GABRR2: variants seen among roughly 807,000 people sequenced by gnomAD.
GABRR2 encodes the protein gamma-aminobutyric acid type A receptor subunit rho2, also known as gamma-aminobutyric acid receptor subunit rho-2.
Under a neutral mutation model 47.0 loss-of-function variants are expected in GABRR2, and 36 were observed. The observed-to-expected ratio is 0.77, with a 90% CI of 0.59 to 1.01. The LOEUF is 1.01. Ranked by LOEUF, GABRR2 falls within the 50% of genes least tolerant of loss-of-function variation. The probability of loss-of-function intolerance (pLI) is 0.00; values close to 1 mark genes in which losing one functional copy is unlikely to be tolerated. For missense variants in GABRR2, 587 were observed against 594.6 expected, an observed-to-expected ratio of 0.99 and a Z score of 0.13; for synonymous variants, 204 against 227.5, an observed-to-expected ratio of 0.90 and a Z score of 0.93.
intron 3 of GABRR2, among the ~76,000 whole-genome samples, chr6:89,270,211 C>T (rs1774016425): frequency 6.6e-6 from 1 of 152,246 alleles, no homozygotes; most frequent in South Asian, 2.1e-4. Context: ...CTGGCTATTT[C>T]CCTTCTCGGT....
chr6:89,257,920 T>G lies in GABRR2; in HGVS notation c.1148A>C (p.Glu383Ala). The change falls in exon 9 of 9, where the codon GAG becomes GCG. Residue 383 changes from glutamate to alanine, a missense_variant. Glu to Ala is a moderately radical substitution (Grantham distance 107, BLOSUM62 -1). Transcript: ENST00000402938. Reference protein sequence around the residue: ...KTMMLDGSYSESEANSLAGYP... With the variant: ...KTMMLDGSYSASEANSLAGYP... ...CCCAGCCAGGCTGTTGGCCTCAGAC[T>G]CACTGTAGCTTCCATCCAGCATCAT... The G allele has an allele frequency of 6.2e-7, 1 of 1,614,024 alleles. No homozygotes were observed. The highest frequency in any genetic ancestry group is 8.5e-7 in the Non-Finnish European group (1 of 1,179,892).
chr6:89,268,933 A>G (rs1285531405), intron 4 of GABRR2, 78 bp downstream of exon 4: 1 of 1,298,554 alleles, frequency 7.7e-7, no homozygotes, highest in African/African-American at 1.5e-5. Flanking sequence ...CCGCAGTGAC[A>G]GTCTTCAGGG....
intron 1 of GABRR2, among the ~76,000 whole-genome samples, chr6:89,307,658 C>T (rs536210003): frequency 2.6e-5 from 4 of 152,320 alleles, no homozygotes; most frequent in Admixed American, 6.5e-5. Context: ...AAACTGCTAA[C>T]TCACCTGCTG....
At chr6:89,263,569 C>T (rs1379434391) in intron 8 of GABRR2, among the ~76,000 whole-genome samples, 1 of 152,174 alleles carries the variant, frequency 6.6e-6, no homozygotes, top group Non-Finnish European at 1.5e-5. Flanking sequence ...GTCGCCCAGG[C>T]TGGAGTACAG....
chr6:89,275,326 T>C (rs1267604855), intron 2 of GABRR2, among the ~76,000 whole-genome samples: 1 of 152,170 alleles, frequency 6.6e-6, no homozygotes, highest in East Asian at 1.9e-4. Context: ...CAGGCTGGAG[T>C]GCAGTGGCAT....
intron 6 of GABRR2, among the ~76,000 whole-genome samples, chr6:89,266,549 G>A (rs911925147): frequency 1.3e-5 from 2 of 152,202 alleles, no homozygotes. Flanking sequence ...TCTAAAGTCT[G>A]ACATTTGGGA....
chr6:89,265,064 G>T (rs1773858461), intron 7 of GABRR2, among the ~76,000 whole-genome samples: 1 of 152,134 alleles, frequency 6.6e-6, no homozygotes, highest in African/African-American at 2.4e-5. Flanking sequence ...TCTTCACTCT[G>T]TCTTGCTGCT....
At chr6:89,301,767 G>A in intron 1 of GABRR2, 1 of 727,652 alleles carries the variant, frequency 1.4e-6, no homozygotes. Flanking sequence ...GCAGCCGCCT[G>A]CCAGACACGC....
At chr6:89,283,781 G>A (rs1255419065) in intron 2 of GABRR2, among the ~76,000 whole-genome samples, 1 of 152,190 alleles carries the variant, frequency 6.6e-6, no homozygotes, top group Non-Finnish European at 1.5e-5. Context: ...AATAGCACAG[G>A]CTCAGGGAGA....
chr6:89,271,242 G>A (rs1774042971), intron 3 of GABRR2, among the ~76,000 whole-genome samples: 1 of 152,144 alleles, frequency 6.6e-6, no homozygotes, highest in Admixed American at 6.5e-5. Flanking sequence ...CATGGAGTGG[G>A]GGACACTGCC....
At position 89,257,577 on chromosome 6, in the gene GABRR2, G is replaced by T; in HGVS notation, c.*93C>A. 1.0e-6 allele frequency: 1 copy of T among 1,004,316 alleles called. No homozygotes were observed. Among genetic ancestry groups the T allele is most frequent in the Non-Finnish European group, 1.5e-6 (1 of 685,300 alleles). 62.2% of individuals were successfully genotyped at this position (1,004,316 alleles called of 1,614,324 possible). Reference sequence around the variant, plus strand: ...TGGTCCAGTAGCTGCTGCATTGTTTGGTGAGGGGCGTGTGGTCAACAAGTC... The same window carrying T: ...TGGTCCAGTAGCTGCTGCATTGTTTTGTGAGGGGCGTGTGGTCAACAAGTC... On this transcript the variant is annotated 3_prime_UTR_variant, in exon 9 of 9. Transcript: ENST00000402938.
intron 2 of GABRR2, among the ~76,000 whole-genome samples, chr6:89,285,038 G>A (rs917731093): frequency 1.3e-5 from 2 of 152,200 alleles, no homozygotes; most frequent in African/African-American, 4.8e-5. Flanking sequence ...AAACGAGTTT[G>A]CCTGTGGGCA....
chr6:89,265,715 A>G lies in GABRR2; in HGVS notation c.787T>C (p.Phe263Leu). ...GGGAAATATGTTTGGAGCAAGAAGAAGAAGATGTGGCGACGCAACGTGAAG... is the reference window on the plus strand; with the variant it reads ...GGGAAATATGTTTGGAGCAAGAAGAGGAAGATGTGGCGACGCAACGTGAAG... ...INFTLRRHIF[F>L]FLLQTYFPAT... The change falls in exon 7 of 9, where the codon TTC becomes CTC. Residue 263 changes from phenylalanine to leucine, a missense_variant. Coordinates refer to ENST00000402938, the MANE Select transcript of GABRR2 (RefSeq NM_002043.5). The G allele has an allele frequency of 6.2e-7, 1 of 1,614,176 alleles. No individual in the cohort carries two copies. The highest frequency in any genetic ancestry group is 8.5e-7 in the Non-Finnish European group (1 of 1,180,028).
At position 89,308,740 on chromosome 6, in the gene GABRR2, A is replaced by C. The variant is rs978780041; in HGVS notation, c.113+6313T>G. Among the ~76,000 whole-genome samples the C allele has an allele frequency of 2.0e-5, 3 of 152,148 alleles. No homozygotes were observed. In the East Asian group the frequency reaches 5.8e-4, roughly 29 times the overall value. On this transcript the variant is annotated intron_variant, in intron 1 of 8. Transcript: ENST00000402938. ...TCCTCCCATCAACCTTGAGGATGTC[A>C]ACATCCACACAGACAGTTGTCCCAC...
rs967331535 is a variant in GABRR2 at position 89,304,095 on chromosome 6, A to C, written c.114-4230T>G. On this transcript the variant is annotated intron_variant, in intron 1 of 8. Transcript: ENST00000402938. ...AAAAGCAATTACAGCAAAACCAAAAATTGAGAAATGGGATCTTATTAAACT... is the reference window on the plus strand; with the variant it reads ...AAAAGCAATTACAGCAAAACCAAAACTTGAGAAATGGGATCTTATTAAACT... 2.6e-5 allele frequency among the ~76,000 whole-genome samples: 4 copies of C among 152,340 alleles called. No homozygotes were observed. The East Asian group carries it at 7.7e-4, about 29-fold the overall frequency.
chr6:89,286,135 G>A (rs1774332254), intron 2 of GABRR2, among the ~76,000 whole-genome samples: 1 of 152,154 alleles, frequency 6.6e-6, no homozygotes, highest in Non-Finnish European at 1.5e-5. Context: ...AGATCTCCAG[G>A]GAATATCTGG....
chr6:89,266,687 A>G (rs562539581), intron 6 of GABRR2, among the ~76,000 whole-genome samples: 4 of 152,346 alleles, frequency 2.6e-5, no homozygotes, highest in Non-Finnish European at 5.9e-5. Flanking sequence ...ATTATTCACA[A>G]TATGGTACAA....
At chr6:89,274,687 C>T (rs762848150) in intron 2 of GABRR2, among the ~76,000 whole-genome samples, 1 of 151,798 alleles carries the variant, frequency 6.6e-6, no homozygotes, top group Non-Finnish European at 1.5e-5. Context: ...AATAACACGG[C>T]GAAACCCTGT....
chr6:89,266,692 G>T (rs1562353864), intron 6 of GABRR2, among the ~76,000 whole-genome samples: 1 of 152,168 alleles, frequency 6.6e-6, no homozygotes, highest in East Asian at 1.9e-4. Flanking sequence ...TCACAATATG[G>T]TACAACCATC....
Sources: gnomAD v4.1 joint callset for allele counts (sites outside exome capture counted in the v4.1 genomes callset) on GRCh38, gnomAD v4.1.1 for gene constraint, MANE v1.5 for transcripts, NCBI Gene and HGNC (gene_info 2026-07-23, HGNC 2026-07-21) for gene names.